The following SAMD3 variants were observed in gnomAD, a reference collection of about 807,000 sequenced individuals.
SAMD3 encodes sterile alpha motif domain-containing protein 3.
SAMD3 carries 63 observed loss-of-function variants against 58.5 expected under a neutral mutation model. The ratio of observed to expected loss-of-function variants is 1.08; its 90% CI spans 0.88 to 1.33. The LOEUF is 1.33. Among genes scored for constraint, SAMD3 ranks in the 40% most tolerant of loss-of-function variants. The pLI is 0.00. For synonymous variants in SAMD3, 220 were observed against 210.3 expected (o/e 1.05, Z -0.40); for missense variants, 604 against 608.4 (o/e 0.99, Z 0.08).
chr6:130,220,509 A>G (rs1796176801), intron 1 of SAMD3, among the ~76,000 whole-genome samples: 1 of 152,198 alleles, frequency 6.6e-6, no homozygotes, highest in Admixed American at 6.5e-5. Flanking sequence ...AACACAGATT[A>G]CAGTCCTGCC....
At chr6:130,150,447 T>C (rs532855119) in intron 9 of SAMD3, among the ~76,000 whole-genome samples, 3 of 152,256 alleles carry the variant, frequency 2.0e-5, no homozygotes, top group East Asian at 3.9e-4. Flanking sequence ...AGTGATCCAC[T>C]AGTGGGGAGT....
chr6:130,196,691 C>T (rs1157276396), intron 5 of SAMD3, among the ~76,000 whole-genome samples: 1 of 152,172 alleles, frequency 6.6e-6, no homozygotes, highest in Non-Finnish European at 1.5e-5. Flanking sequence ...ATTATTCAGG[C>T]CCCCTCCCTT....
intron 2 of SAMD3, among the ~76,000 whole-genome samples, chr6:130,290,496 A>G (rs1410150764): frequency 6.6e-6 from 1 of 152,180 alleles, no homozygotes; most frequent in Non-Finnish European, 1.5e-5. Context: ...AAACACCTTC[A>G]CAGAAACATG....
intron 5 of SAMD3, among the ~76,000 whole-genome samples, chr6:130,191,648 G>A (rs141115939): frequency 0.015 from 2,263 of 148,992 alleles, 56 homozygotes; most frequent in African/African-American, 0.053. Flanking sequence ...TAACTGAGCC[G>A]CAGTTTCTCG....
chr6:130,200,910 T>C (rs1582902529), intron 5 of SAMD3, among the ~76,000 whole-genome samples: 1 of 152,158 alleles, frequency 6.6e-6, no homozygotes. Flanking sequence ...TTCTGTTGAA[T>C]AAGCTGTTGG....
At chr6:130,282,061 G>A (rs1266124795) in intron 2 of SAMD3, among the ~76,000 whole-genome samples, 3 of 152,128 alleles carry the variant, frequency 2.0e-5, no homozygotes, top group Admixed American at 2.0e-4. Flanking sequence ...ACATGACAGA[G>A]CTACTCAGGA....
intron 1 of SAMD3, among the ~76,000 whole-genome samples, chr6:130,348,751 C>T (rs1484047198): frequency 6.6e-6 from 1 of 152,194 alleles, no homozygotes; most frequent in Non-Finnish European, 1.5e-5. Context: ...ACAGAACTCT[C>T]CACCCCAAAT....
chr6:130,245,834 T>G (rs1773522487), intron 2 of SAMD3, among the ~76,000 whole-genome samples: 1 of 152,208 alleles, frequency 6.6e-6, no homozygotes, highest in Non-Finnish European at 1.5e-5. Context: ...GCTCAAATGT[T>G]GTACTGCAAC....
chr6:130,213,381 T>C (rs922804263), intron 4 of SAMD3, among the ~76,000 whole-genome samples: 2 of 151,940 alleles, frequency 1.3e-5, no homozygotes, highest in Non-Finnish European at 2.9e-5. Flanking sequence ...CCTTCAAGGC[T>C]ACCTATTCCC....
chr6:130,306,260 A>G (rs1338958824), intron 2 of SAMD3, among the ~76,000 whole-genome samples: 1 of 152,252 alleles, frequency 6.6e-6, no homozygotes, highest in African/African-American at 2.4e-5. Context: ...GCAGAAAAAT[A>G]TAGGATCATT....
At chr6:130,247,287 T>C (rs1435484584) in intron 2 of SAMD3, among the ~76,000 whole-genome samples, 1 of 152,054 alleles carries the variant, frequency 6.6e-6, no homozygotes, top group African/African-American at 2.4e-5. Context: ...CTGACCAACA[T>C]GGTGAAACCC....
chr6:130,264,955 G>T (rs1774285952), intron 2 of SAMD3, among the ~76,000 whole-genome samples: 1 of 152,156 alleles, frequency 6.6e-6, no homozygotes, highest in Admixed American at 6.5e-5. Flanking sequence ...GTTTCCAAAG[G>T]CTGGCCCCCA....
At chr6:130,247,240 C>A (rs759604744) in intron 2 of SAMD3, among the ~76,000 whole-genome samples, 1 of 152,082 alleles carries the variant, frequency 6.6e-6, no homozygotes, top group African/African-American at 2.4e-5. Context: ...GAGGCCGAGG[C>A]GGGCGGATCA....
In SAMD3 at chr6:130,184,321, G is replaced by T. The variant is rs1008950326; in HGVS notation, c.569+117C>A. 34 of 1,168,188 alleles carry T rather than the reference G, an allele frequency of 2.9e-5. 4 individuals are homozygous for T. In the South Asian group the frequency reaches 5.2e-4, roughly 18 times the overall value. 72.4% of individuals were successfully genotyped at this position (1,168,188 alleles called of 1,614,324 possible). On this transcript the variant is annotated intron_variant, in intron 6 of 11. Transcript: ENST00000439090. ...AAAGAGATTTAAATATTGGGCAATTGGGACCTATTACCAATATATCATCCA... is the reference window on the plus strand; with the variant it reads ...AAAGAGATTTAAATATTGGGCAATTTGGACCTATTACCAATATATCATCCA...
At chr6:130,228,774 C>A (rs930205888) in intron 2 of SAMD3, among the ~76,000 whole-genome samples, 1 of 152,218 alleles carries the variant, frequency 6.6e-6, no homozygotes, top group South Asian at 2.1e-4. Flanking sequence ...GAGCTGTAAG[C>A]AGACAGTACT....
intron 4 of SAMD3, among the ~76,000 whole-genome samples, chr6:130,212,309 T>A (rs1237838358): frequency 1.3e-5 from 2 of 152,212 alleles, no homozygotes; most frequent in Non-Finnish European, 2.9e-5. Flanking sequence ...ATTGTAATTC[T>A]GCACCAGAAT....
At chr6:130,200,894 G>A (rs1287604796) in intron 5 of SAMD3, among the ~76,000 whole-genome samples, 5 of 151,698 alleles carry the variant, frequency 3.3e-5, no homozygotes, top group Admixed American at 1.3e-4. Flanking sequence ...CTTTCATCCC[G>A]CTAAGTTCTG....
intron 2 of SAMD3, among the ~76,000 whole-genome samples, chr6:130,252,856 A>G (rs1367635981): frequency 6.6e-6 from 1 of 152,130 alleles, no homozygotes; most frequent in Non-Finnish European, 1.5e-5. Flanking sequence ...TTACATTCTC[A>G]GTCTATATTG....
At chr6:130,162,405 A>G (rs1181506624) in intron 8 of SAMD3, 1 of 580,718 alleles carries the variant, frequency 1.7e-6, no homozygotes, top group Non-Finnish European at 3.1e-6. Context: ...GAAATGAATA[A>G]AAACTCATCT....
Sources: gnomAD v4.1 joint callset for allele counts (sites outside exome capture counted in the v4.1 genomes callset) on GRCh38, gnomAD v4.1.1 for gene constraint, MANE v1.5 for transcripts, NCBI Gene and HGNC (gene_info 2026-07-23, HGNC 2026-07-21) for gene names.